The following TXNDC16 variants were observed in gnomAD, a reference collection of about 807,000 sequenced individuals.
TXNDC16 encodes thioredoxin domain containing 16, also known as thioredoxin domain-containing protein 16.
A neutral mutation model predicts 85.6 loss-of-function variants in TXNDC16; 74 were observed. The ratio of observed to expected loss-of-function variants is 0.86; its 90% CI spans 0.72 to 1.05. The LOEUF (loss-of-function observed/expected upper bound fraction) is 1.05. Among genes scored for constraint, TXNDC16 ranks in the 50% least tolerant of loss-of-function variants. TXNDC16 has a pLI of 0.00. For synonymous variants in TXNDC16, 335 were observed against 326.5 expected (o/e 1.03, Z -0.28); for missense variants, 959 against 947.0 (o/e 1.01, Z -0.17).
intron 9 of TXNDC16, among the ~76,000 whole-genome samples, chr14:52,508,836 A>G (rs1032706174): frequency 2.0e-5 from 3 of 152,086 alleles, no homozygotes; most frequent in Non-Finnish European, 4.4e-5. Context: ...CAAACACCGC[A>G]TGTTCTTACT....
chr14:52,480,975 G>GTGTATGTATATATATATA (rs1238227587), intron 14 of TXNDC16, among the ~76,000 whole-genome samples: 39 of 134,984 alleles, frequency 2.9e-4, no homozygotes, highest in African/African-American at 1.1e-3. Context: ...ATATATATAT[G>GTGTATGTATATATATATA]TATATATATA....
At position 52,533,017 on chromosome 14, in the gene TXNDC16, T is replaced by C. The variant is rs182846857; in HGVS notation, c.392+3702A>G. 1.1e-3 allele frequency among the ~76,000 whole-genome samples: 168 copies of C among 152,330 alleles called. 1 individual carries two copies. Among genetic ancestry groups the C allele is most frequent in the African/African-American group, 3.9e-3 (163 of 41,562 alleles). The stretch of plus-strand genomic sequence containing the variant: ...AAACAAAAATGAGGACACTGCCTCT[T>C]TGGAATTCTACTTCCTTGATATTTA... On this transcript the variant is annotated intron_variant, in intron 6 of 20. Coordinates refer to ENST00000281741, the MANE Select transcript of TXNDC16 (RefSeq NM_020784.3).
chr14:52,507,470 G>C (rs893204785), intron 9 of TXNDC16, among the ~76,000 whole-genome samples: 1 of 152,134 alleles, frequency 6.6e-6, no homozygotes, highest in Non-Finnish European at 1.5e-5. Flanking sequence ...AATCAATATC[G>C]TGAAAATGGC....
chr14:52,507,713 G>C (rs2036845582), intron 9 of TXNDC16, among the ~76,000 whole-genome samples: 1 of 152,132 alleles, frequency 6.6e-6, no homozygotes, highest in South Asian at 2.1e-4. Flanking sequence ...TACCAAAACA[G>C]AGATATAGAC....
At chr14:52,451,020 C>T (rs2035398530) in intron 18 of TXNDC16, among the ~76,000 whole-genome samples, 1 of 151,674 alleles carries the variant, frequency 6.6e-6, no homozygotes, top group Non-Finnish European at 1.5e-5. Flanking sequence ...TAAAGTAACT[C>T]AAGAATGGAA....
chr14:52,443,750 C>G (rs928555488), intron 18 of TXNDC16, among the ~76,000 whole-genome samples: 2 of 152,126 alleles, frequency 1.3e-5, no homozygotes, highest in African/African-American at 4.8e-5. Context: ...ATTGGTGACA[C>G]AGTTAGGCCT....
rs140769340 is a variant in TXNDC16, at chr14:52,516,542, A to G, written c.515-1572T>C. Among the ~76,000 whole-genome samples, 1,374 of 152,300 alleles carry G rather than the reference A, an allele frequency of 9.0e-3. 6 individuals carry two copies. Among genetic ancestry groups the G allele is most frequent in the Admixed American group, 0.016 (246 of 15,288 alleles). ...GAGTAGTCTTTTTATCTAATATTCT[A>G]AAATTTCAAAATAGGACGTCTTAGT... On this transcript the variant is annotated intron_variant, in intron 7 of 20. Transcript: ENST00000281741.
intron 9 of TXNDC16, among the ~76,000 whole-genome samples, chr14:52,506,617 C>T (rs1352158124): frequency 7.8e-6 from 1 of 127,684 alleles, no homozygotes; most frequent in Admixed American, 8.7e-5. Flanking sequence ...ACTGCAGTGG[C>T]GCAATCTCGG....
At chr14:52,490,346 C>A in intron 11 of TXNDC16, 45 bp downstream of exon 11, 1 of 1,380,584 alleles carries the variant, frequency 7.2e-7, no homozygotes, top group Non-Finnish European at 9.8e-7. Flanking sequence ...TATTAGCTTT[C>A]TTTAAATAAA....
chr14:52,544,644 T>G (rs1019060003), intron 1 of TXNDC16, among the ~76,000 whole-genome samples: 2 of 152,022 alleles, frequency 1.3e-5, no homozygotes, highest in East Asian at 3.8e-4. Context: ...GTATTTACTC[T>G]GCTCATTCAA....
At chr14:52,462,973 A>C in intron 16 of TXNDC16, 1 of 455,924 alleles carries the variant, frequency 2.2e-6, no homozygotes, top group Non-Finnish European at 4.4e-6. Context: ...TTTCCTACCT[A>C]TGAGTGCAAG....
chr14:52,467,370 T>C (rs1047029700), intron 16 of TXNDC16, among the ~76,000 whole-genome samples: 1 of 152,128 alleles, frequency 6.6e-6, no homozygotes, highest in Non-Finnish European at 1.5e-5. Context: ...TAAAGGATAA[T>C]ATCCAGAATA....
intron 10 of TXNDC16, 116 bp downstream of exon 10, chr14:52,490,723 T>C (rs1459144082): frequency 3.5e-6 from 4 of 1,139,124 alleles, no homozygotes; most frequent in African/African-American, 1.6e-5. Flanking sequence ...GTTCTAACTA[T>C]ATTGGAATCT....
At chr14:52,527,695 G>A (rs573958433) in intron 6 of TXNDC16, among the ~76,000 whole-genome samples, 75 of 152,210 alleles carry the variant, frequency 4.9e-4, no homozygotes, top group Middle Eastern at 3.4e-3. Context: ...TGAGGATAGC[G>A]CTACCGTGCT....
intron 19 of TXNDC16, among the ~76,000 whole-genome samples, chr14:52,439,656 C>A (rs2035120869): frequency 6.6e-6 from 1 of 152,058 alleles, no homozygotes; most frequent in African/African-American, 2.4e-5. Context: ...CAGGCATAGC[C>A]CAAAGGCTTG....
chr14:52,530,274 ATTT>A (rs1342806654), intron 6 of TXNDC16, among the ~76,000 whole-genome samples: 2 of 65,614 alleles, frequency 3.0e-5, no homozygotes, highest in African/African-American at 6.7e-5. Context: ...ATATATTATT[ATTT>A]AATATATAAT....
chr14:52,455,523 A>G, intron 17 of TXNDC16, 61 bp from the exon 18 acceptor site: 1 of 1,598,412 alleles, frequency 6.3e-7, no homozygotes, highest in Non-Finnish European at 8.5e-7. Context: ...AAACATGAAA[A>G]TCTAGGCTAG....
At chr14:52,525,744 T>TAAA (rs1168947296) in intron 6 of TXNDC16, among the ~76,000 whole-genome samples, 1,366 of 105,062 alleles carry the variant, frequency 0.013, 16 homozygotes, top group Middle Eastern at 0.045. Flanking sequence ...ATAATAATAA[T>TAAA]AAATAAAAAT....
intron 20 of TXNDC16, among the ~76,000 whole-genome samples, chr14:52,435,253 CTT>C (rs5808677): frequency 1.5e-4 from 18 of 120,208 alleles, no homozygotes; most frequent in Admixed American, 1.7e-4. Flanking sequence ...AACATGTCTG[CTT>C]TTTTTTTTTT....
Sources: allele counts gnomAD v4.1 joint callset (sites outside exome capture counted in the v4.1 genomes callset), GRCh38; gene constraint gnomAD v4.1.1; transcripts MANE v1.5; gene names NCBI Gene and HGNC (gene_info 2026-07-23, HGNC 2026-07-21).